CYSTM1: variants seen among roughly 807,000 people sequenced by gnomAD.
The protein encoded by CYSTM1 is cysteine-rich transmembrane module-containing protein 1.
In CYSTM1, 4 loss-of-function variants were observed where a neutral mutation model predicts 13.1. The observed-to-expected ratio is 0.31, with a 90% CI of 0.15 to 0.70. The LOEUF is 0.70. Ranked by LOEUF, CYSTM1 falls within the 30% of genes least tolerant of loss-of-function variation. The probability of loss-of-function intolerance (pLI) is 0.72; values close to 1 mark genes in which losing one functional copy is unlikely to be tolerated. For missense variants in CYSTM1, 96 were observed against 121.6 expected (o/e 0.79, Z 0.99); for synonymous variants, 36 against 42.7 (o/e 0.84, Z 0.62).
intron 2 of CYSTM1, among the ~76,000 whole-genome samples, chr5:140,218,929 C>T (rs1258291678): frequency 6.6e-6 from 1 of 152,230 alleles, no homozygotes. Flanking sequence ...CCCTACATAC[C>T]TGCTCCATCT....
At chr5:140,237,004 GGAT>G (rs1764689813) in intron 2 of CYSTM1, among the ~76,000 whole-genome samples, 1 of 152,206 alleles carries the variant, frequency 6.6e-6, no homozygotes, top group African/African-American at 2.4e-5. Context: ...ACACGAGGGA[GGAT>G]GACATGCACC....
intron 1 of CYSTM1, among the ~76,000 whole-genome samples, chr5:140,186,463 A>T (rs1581058510): frequency 6.6e-6 from 1 of 152,306 alleles, no homozygotes; most frequent in East Asian, 1.9e-4. Flanking sequence ...CAGAGTATGA[A>T]ATTTGGAGTA....
At chr5:140,234,390 C>T (rs1272111207) in intron 2 of CYSTM1, among the ~76,000 whole-genome samples, 2 of 152,116 alleles carry the variant, frequency 1.3e-5, no homozygotes, top group Admixed American at 6.5e-5. Flanking sequence ...CATTTTAGTT[C>T]TCTTTCCTTT....
chr5:140,191,929 T>C (rs1212146160), intron 1 of CYSTM1, among the ~76,000 whole-genome samples: 3 of 152,220 alleles, frequency 2.0e-5, no homozygotes, highest in Non-Finnish European at 2.9e-5. Context: ...CAAATTCATA[T>C]GATAATTGTA....
intron 2 of CYSTM1, among the ~76,000 whole-genome samples, chr5:140,241,643 A>G (rs1300956439): frequency 2.0e-5 from 3 of 152,178 alleles, no homozygotes; most frequent in Non-Finnish European, 4.4e-5. Flanking sequence ...GGGGATCTGC[A>G]TGCCATTGTA....
chr5:140,212,700 C>G (rs368736027), intron 2 of CYSTM1, among the ~76,000 whole-genome samples: 1 of 152,066 alleles, frequency 6.6e-6, no homozygotes, highest in East Asian at 1.9e-4. Flanking sequence ...GGCACAATGG[C>G]TCACACCTGT....
chr5:140,177,345 G>T (rs908905767), intron 1 of CYSTM1, among the ~76,000 whole-genome samples: 2 of 152,094 alleles, frequency 1.3e-5, no homozygotes, highest in African/African-American at 4.8e-5. Context: ...AGGCTGGAGT[G>T]CAGTGTCGAG....
chr5:140,229,355 C>T (rs1454480189), intron 2 of CYSTM1, among the ~76,000 whole-genome samples: 2 of 151,980 alleles, frequency 1.3e-5, no homozygotes, highest in African/African-American at 2.4e-5. Context: ...CCACCATACC[C>T]TGCTAATTTT....
In CYSTM1 at chr5:140,194,436, TG is replaced by T; in HGVS notation, c.-20-9del. The T allele has an allele frequency of 6.5e-7, 1 of 1,532,302 alleles. No homozygotes were observed. The highest frequency in any genetic ancestry group is 8.7e-7 in the Non-Finnish European group (1 of 1,144,074). 94.9% of individuals were successfully genotyped at this position (1,532,302 alleles called of 1,614,324 possible). A position where few individuals can be genotyped will look rare whatever the true frequency, so the allele number is the denominator to read the frequency against. On this transcript the variant is annotated splice_polypyrimidine_tract_variant and intron_variant, in intron 1 of 2. Transcript: ENST00000261811. The stretch of plus-strand genomic sequence containing the variant: ...AAATGCAAATAATTTTCATTCTTTT[TG>T]TCTCTTAGGTGCACTTTACAGGTCC...
chr5:140,192,378 G>A (rs1304928568), intron 1 of CYSTM1, among the ~76,000 whole-genome samples: 1 of 152,226 alleles, frequency 6.6e-6, no homozygotes, highest in Non-Finnish European at 1.5e-5. Context: ...GTATGTTTGT[G>A]AATGTCACCC....
chr5:140,219,722 G>A lies in CYSTM1; in HGVS notation c.188-23583G>A, dbSNP rs1187343209. Among the ~76,000 whole-genome samples the A allele has an allele frequency of 2.0e-5, 3 of 152,110 alleles. No homozygotes were observed. The highest frequency in any genetic ancestry group is 2.9e-5 in the Non-Finnish European group (2 of 68,014). ...GGTCTGTATACCTAAGATAAAACAC[G>A]TTTTATGTTCATTAAAAATGATATG... On this transcript the variant is annotated intron_variant, in intron 2 of 2. Coordinates refer to ENST00000261811, the MANE Select transcript of CYSTM1 (RefSeq NM_032412.4). This position sits in a 1 kb window ranked among gnomAD's most constrained non-coding sequence, Gnocchi z 4.1.
intron 2 of CYSTM1, among the ~76,000 whole-genome samples, 182 bp from the exon 3 acceptor site, chr5:140,243,123 A>G (rs1179640412): frequency 1.3e-5 from 2 of 152,140 alleles, no homozygotes; most frequent in Admixed American, 1.3e-4. Flanking sequence ...CAGGAGGGAG[A>G]AAGCAGCTGA....
intron 2 of CYSTM1, among the ~76,000 whole-genome samples, chr5:140,214,615 A>G (rs780601272): frequency 8.2e-6 from 1 of 122,096 alleles, no homozygotes; most frequent in East Asian, 2.3e-4. Context: ...CTTTGATACT[A>G]CTTTTACCCA....
In CYSTM1 at chr5:140,214,762, GGCA is replaced by G. The variant is rs145735029; in HGVS notation, c.187+20111_187+20113del. On this transcript the variant is annotated intron_variant, in intron 2 of 2. Coordinates refer to ENST00000261811, the MANE Select transcript of CYSTM1 (RefSeq NM_032412.4). ...CTTTGGGTAGTAAGGGAAATTGGAAGGCACAGGTGGGATAGAGTAGGGCAGTCT... is the reference window on the plus strand; with the variant it reads ...CTTTGGGTAGTAAGGGAAATTGGAAGCAGGTGGGATAGAGTAGGGCAGTCT... Among the ~76,000 whole-genome samples, 1,337 of 152,342 alleles carry G rather than the reference GGCA, an allele frequency of 8.8e-3. 17 individuals carry two copies. Among genetic ancestry groups the G allele is most frequent in the African/African-American group, 0.03 (1,262 of 41,584 alleles).
intron 2 of CYSTM1, among the ~76,000 whole-genome samples, chr5:140,211,355 C>T (rs960059530): frequency 1.3e-5 from 2 of 152,190 alleles, no homozygotes; most frequent in African/African-American, 4.8e-5. Flanking sequence ...TGCTTGTCAG[C>T]AACTACCACC....
chr5:140,210,510 A>T (rs1164895586), intron 2 of CYSTM1, among the ~76,000 whole-genome samples: 5 of 136,726 alleles, frequency 3.7e-5, no homozygotes, highest in East Asian at 2.1e-4. Context: ...AAGAAAATTT[A>T]TTTTTCTTCT....
chr5:140,177,076 A>AAAACAAAAAAAAAAC (rs1230073619), intron 1 of CYSTM1, among the ~76,000 whole-genome samples: 5 of 151,228 alleles, frequency 3.3e-5, no homozygotes, highest in African/African-American at 1.2e-4. Context: ...CTCAAAAAAA[A>AAAACAAAAAAAAAAC]AAAAAAAAAA....
chr5:140,231,793 G>A (rs189732209), intron 2 of CYSTM1, among the ~76,000 whole-genome samples: 16 of 152,316 alleles, frequency 1.1e-4, no homozygotes, highest in East Asian at 1.9e-4. Flanking sequence ...GTCATAGGCC[G>A]CAAGGGGACA....
chr5:140,222,020 C>T (rs947282546), intron 2 of CYSTM1, among the ~76,000 whole-genome samples: 1 of 152,232 alleles, frequency 6.6e-6, no homozygotes, highest in East Asian at 1.9e-4. Context: ...CTAGGCAGTG[C>T]GCCTTACTAC....
Sources: gnomAD v4.1 joint callset for allele counts (sites outside exome capture counted in the v4.1 genomes callset) on GRCh38, gnomAD v4.1.1 for gene constraint, Gnocchi (gnomAD v3.1) non-coding constraint, MANE v1.5 for transcripts, NCBI Gene and HGNC (gene_info 2026-07-23, HGNC 2026-07-21) for gene names.